The following CACNA1E variants were observed in gnomAD, a reference collection of about 807,000 sequenced individuals.
CACNA1E encodes the protein voltage-dependent R-type calcium channel subunit alpha-1E.
CACNA1E carries 40 observed loss-of-function variants against 259.2 expected under a neutral mutation model. The observed-to-expected ratio is 0.15, with a 90% confidence interval of 0.12 to 0.20. The LOEUF (loss-of-function observed/expected upper bound fraction) is 0.20, where lower values mean the gene tolerates loss of function less well. Ranked by LOEUF, CACNA1E falls within the 10% of genes least tolerant of loss-of-function variation. The pLI is 1.00. For synonymous variants in CACNA1E, 1,104 were observed against 1,138.5 expected (o/e 0.97, Z 0.61); for missense variants, 1,874 against 3,040.1 (o/e 0.62, Z 9.02).
chr1:181,318,390 C>T (rs1228625955), intron 1 of CACNA1E, among the ~76,000 whole-genome samples: 1 of 152,240 alleles, frequency 6.6e-6, no homozygotes, highest in African/African-American at 2.4e-5. Context: ...GAAACGCCCC[C>T]GCGCTCTTTG....
chr1:181,441,002 A>T (rs1660434009), intron 2 of CACNA1E, among the ~76,000 whole-genome samples: 1 of 146,482 alleles, frequency 6.8e-6, no homozygotes, highest in Non-Finnish European at 1.5e-5. Flanking sequence ...AAAAAAAAAA[A>T]AAAAAAAAAA....
intron 1 of CACNA1E, among the ~76,000 whole-genome samples, chr1:181,360,210 A>T (rs1653765048): frequency 6.6e-6 from 1 of 152,216 alleles, no homozygotes; most frequent in Non-Finnish European, 1.5e-5. Context: ...AAAGTTAAAC[A>T]TAGGGTTACC....
At chr1:181,510,970 GTC>G (rs1271005540) in intron 2 of CACNA1E, among the ~76,000 whole-genome samples, 3 of 152,224 alleles carry the variant, frequency 2.0e-5, no homozygotes, top group African/African-American at 4.8e-5. Context: ...AAAGAAATGA[GTC>G]ACACATCTAA....
At chr1:181,472,251 C>T (rs1004890402) in intron 2 of CACNA1E, among the ~76,000 whole-genome samples, 23 of 151,520 alleles carry the variant, frequency 1.5e-4, no homozygotes, top group African/African-American at 5.3e-4. Context: ...AGTAGGGAGA[C>T]GTAGGTCAAA....
chr1:181,452,701 A>T (rs1307381653), intron 2 of CACNA1E, among the ~76,000 whole-genome samples: 2 of 152,062 alleles, frequency 1.3e-5, no homozygotes, highest in Non-Finnish European at 2.9e-5. Context: ...CTGTCCCTAA[A>T]CCCTCCTCCG....
intron 2 of CACNA1E, among the ~76,000 whole-genome samples, chr1:181,467,153 G>C (rs1662201861): frequency 6.6e-6 from 1 of 152,200 alleles, no homozygotes; most frequent in African/African-American, 2.4e-5. Context: ...TGAAGTGATC[G>C]AGCCTTTTTA....
chr1:181,715,953 C>T, intron 9 of CACNA1E, 87 bp from the exon 10 acceptor site: 1 of 805,796 alleles, frequency 1.2e-6, no homozygotes, highest in Non-Finnish European at 2.1e-6. Context: ...TCACACAAGG[C>T]ATCTTGCCTG....
intron 1 of CACNA1E, among the ~76,000 whole-genome samples, chr1:181,342,557 A>G (rs961490134): frequency 3.3e-5 from 5 of 152,214 alleles, no homozygotes; most frequent in African/African-American, 1.2e-4. Context: ...TATCATGCTG[A>G]GGGAAAGAAG....
intron 16 of CACNA1E, 110 bp from the exon 17 acceptor site, chr1:181,724,360 A>G (rs1572706187): frequency 2.6e-6 from 2 of 772,582 alleles, no homozygotes; most frequent in East Asian, 5.4e-5. Context: ...TCTTCAGGGT[A>G]GCTTCTGTTC....
At chr1:181,769,214 G>A (rs1161471600) in intron 35 of CACNA1E, among the ~76,000 whole-genome samples, 1 of 152,064 alleles carries the variant, frequency 6.6e-6, no homozygotes, top group East Asian at 1.9e-4. Context: ...TAGTTCTAAA[G>A]TTCTGTAATC....
In CACNA1E at chr1:181,388,208, A is replaced by C. The variant is rs10910928; in HGVS notation, c.-14-24925A>C. ...CCACTCCTTTGACACAGCCTAAGAG[A>C]ACCGTGGGAGACTACAGAGCTCCAG... On this transcript the variant is annotated intron_variant, in intron 1 of 11. Coordinates refer to the CACNA1E transcript ENST00000524607. 5.4e-3 allele frequency among the ~76,000 whole-genome samples: 815 copies of C among 152,254 alleles called. 17 individuals are homozygous for C. In the East Asian group the frequency reaches 0.063, roughly 12 times the overall value.
intron 7 of CACNA1E, among the ~76,000 whole-genome samples, chr1:181,676,672 T>C (rs1244817060): frequency 6.6e-6 from 1 of 152,194 alleles, no homozygotes; most frequent in African/African-American, 2.4e-5. Context: ...TGTTTGGCAA[T>C]ACATGTCAAG....
At chr1:181,686,102 A>G (rs909845839) in intron 7 of CACNA1E, among the ~76,000 whole-genome samples, 8 of 151,930 alleles carry the variant, frequency 5.3e-5, no homozygotes, top group African/African-American at 1.9e-4. Context: ...TAGGGCCAGA[A>G]TCCAGGCCCC....
intron 1 of CACNA1E, among the ~76,000 whole-genome samples, chr1:181,364,326 G>A (rs1469457786): frequency 1.3e-5 from 2 of 152,162 alleles, no homozygotes; most frequent in South Asian, 4.1e-4. Flanking sequence ...TGTTTATGAT[G>A]CCCGTCGTTA....
intron 8 of CACNA1E, among the ~76,000 whole-genome samples, chr1:181,715,085 T>C (rs1653759054): frequency 6.6e-6 from 1 of 152,222 alleles, no homozygotes; most frequent in African/African-American, 2.4e-5. Context: ...GGTATCCTCC[T>C]GAACAGGAGT....
chr1:181,349,856 C>T (rs1220465468), intron 1 of CACNA1E, among the ~76,000 whole-genome samples: 1 of 152,140 alleles, frequency 6.6e-6, no homozygotes, highest in African/African-American at 2.4e-5. Context: ...TGAATTCTGG[C>T]CTCCACTCTT....
intron 1 of CACNA1E, among the ~76,000 whole-genome samples, chr1:181,319,955 CCCA>C (rs1650213118): frequency 6.6e-6 from 1 of 152,212 alleles, no homozygotes; most frequent in African/African-American, 2.4e-5. Flanking sequence ...CTCTGAAATG[CCCA>C]TTCCTGGAGT....
chr1:181,605,524 G>GA (rs1016428915), intron 6 of CACNA1E, among the ~76,000 whole-genome samples: 17 of 150,594 alleles, frequency 1.1e-4, no homozygotes, highest in South Asian at 4.2e-4. Flanking sequence ...AGAAACACAG[G>GA]AAAAAAAAAT....
intron 3 of CACNA1E, among the ~76,000 whole-genome samples, chr1:181,536,081 A>G (rs1223709120): frequency 6.6e-6 from 1 of 152,014 alleles, no homozygotes; most frequent in Non-Finnish European, 1.5e-5. Flanking sequence ...AATTTCACTA[A>G]TATGTGTCTT....
Sources: allele counts gnomAD v4.1 joint callset (sites outside exome capture counted in the v4.1 genomes callset), GRCh38; gene constraint gnomAD v4.1.1; transcripts MANE v1.5; gene names NCBI Gene and HGNC (gene_info 2026-07-23, HGNC 2026-07-21).